The following AFG1L variants were observed in gnomAD, a reference collection of about 807,000 sequenced individuals.
AFG1L encodes the protein AFG1-like ATPase.
Under a neutral mutation model 62.2 loss-of-function variants are expected in AFG1L, and 53 were observed. The ratio of observed to expected loss-of-function variants is 0.85; its 90% CI spans 0.68 to 1.07. The LOEUF (loss-of-function observed/expected upper bound fraction) is 1.07, where lower values mean the gene tolerates loss of function less well. Among genes scored for constraint, AFG1L ranks in the 50% least tolerant of loss-of-function variants. The pLI is 0.00. For synonymous variants in AFG1L, 228 were observed against 210.3 expected, an observed-to-expected ratio of 1.08 and a Z score of -0.73; for missense variants, 555 against 590.5, an observed-to-expected ratio of 0.94 and a Z score of 0.62.
At chr6:108,338,174 A>G (rs1778542517) in intron 2 of AFG1L, among the ~76,000 whole-genome samples, 5 of 152,302 alleles carry the variant, frequency 3.3e-5, no homozygotes, top group Admixed American at 3.3e-4. Context: ...TAACAGAGCG[A>G]CACCTTGTCT....
At chr6:108,319,606 A>G (rs111768612) in intron 1 of AFG1L, 1,964 of 168,666 alleles carry the variant, frequency 0.012, 38 homozygotes, top group African/African-American at 0.045. Context: ...TCTTATTTTT[A>G]TTTTTTTTAG....
intron 3 of AFG1L, among the ~76,000 whole-genome samples, chr6:108,351,808 G>A (rs1288330909): frequency 6.6e-6 from 1 of 151,020 alleles, no homozygotes; most frequent in Non-Finnish European, 1.5e-5. Flanking sequence ...TCACATTGTT[G>A]TACAACTATT....
chr6:108,366,216 T>C lies in AFG1L; in HGVS notation c.649-17T>C. The C allele has an allele frequency of 6.7e-7, 1 of 1,485,826 alleles. No individual in the cohort carries two copies. The allele number at this position is 1,485,826 out of a possible 1,614,324, so 92.0% of individuals were successfully genotyped here. A position where few individuals can be genotyped will look rare whatever the true frequency, so the allele number is the denominator to read the frequency against. On this transcript the variant is annotated splice_polypyrimidine_tract_variant and intron_variant, in intron 5 of 12. Coordinates refer to ENST00000368977, the MANE Select transcript of AFG1L (RefSeq NM_145315.5). ...AGAAGTGAAATTAAAATAAAACAAA[T>C]GTGTTGTTGTCAATAGGTCACTGAC...
At chr6:108,505,973 G>GT (rs1774404797) in intron 10 of AFG1L, among the ~76,000 whole-genome samples, 1 of 152,156 alleles carries the variant, frequency 6.6e-6, no homozygotes, top group South Asian at 2.1e-4. Flanking sequence ...CAACACACTA[G>GT]TCATCATGCT....
chr6:108,358,081 T>C (rs1318718481), intron 5 of AFG1L, among the ~76,000 whole-genome samples: 2 of 152,226 alleles, frequency 1.3e-5, no homozygotes, highest in Admixed American at 1.3e-4. Context: ...CCTGCCGCTC[T>C]GAAGAGGCAT....
chr6:108,337,015 A>G (rs1004072727), intron 2 of AFG1L, among the ~76,000 whole-genome samples: 3 of 152,230 alleles, frequency 2.0e-5, no homozygotes, highest in Admixed American at 6.5e-5. Flanking sequence ...CAGGCTGCCC[A>G]GATAAATGTG....
chr6:108,500,640 G>A (rs576448978), intron 10 of AFG1L, among the ~76,000 whole-genome samples: 1 of 152,318 alleles, frequency 6.6e-6, no homozygotes, highest in African/African-American at 2.4e-5. Flanking sequence ...GAGTGCAGGT[G>A]TCTTTTGCAC....
At chr6:108,417,105 A>C (rs1400458605) in intron 7 of AFG1L, among the ~76,000 whole-genome samples, 2 of 151,668 alleles carry the variant, frequency 1.3e-5, no homozygotes, top group Non-Finnish European at 2.9e-5. Flanking sequence ...ATGGTGGTGC[A>C]TGCCTGTGGT....
At chr6:108,453,039 C>T (rs1446994010) in intron 8 of AFG1L, among the ~76,000 whole-genome samples, 1 of 152,212 alleles carries the variant, frequency 6.6e-6, no homozygotes, top group African/African-American at 2.4e-5. Context: ...GGGCTTGTCT[C>T]TCCCAACAGG....
intron 1 of AFG1L, among the ~76,000 whole-genome samples, chr6:108,322,435 G>A (rs1340481572): frequency 6.6e-5 from 10 of 152,066 alleles, no homozygotes. Flanking sequence ...CCTTTAATGG[G>A]GTATGTCAGA....
At chr6:108,502,514 A>G (rs1774247758) in intron 10 of AFG1L, among the ~76,000 whole-genome samples, 1 of 151,948 alleles carries the variant, frequency 6.6e-6, no homozygotes, top group Non-Finnish European at 1.5e-5. Flanking sequence ...CTGGTTTTGT[A>G]TTTTTAGTAG....
intron 11 of AFG1L, among the ~76,000 whole-genome samples, chr6:108,519,330 C>T (rs1424964689): frequency 6.6e-6 from 1 of 152,164 alleles, no homozygotes; most frequent in African/African-American, 2.4e-5. Flanking sequence ...TAAGTTTCAG[C>T]ATGAATTTTG....
At chr6:108,333,601 G>GAATAT (rs1257272275) in intron 2 of AFG1L, among the ~76,000 whole-genome samples, 1 of 151,682 alleles carries the variant, frequency 6.6e-6, no homozygotes, top group Non-Finnish European at 1.5e-5. Context: ...TAATAATAAA[G>GAATAT]AATATATAAA....
At chr6:108,465,257 T>C (rs1772618473) in intron 8 of AFG1L, among the ~76,000 whole-genome samples, 1 of 152,118 alleles carries the variant, frequency 6.6e-6, no homozygotes, top group South Asian at 2.1e-4. Context: ...AAAAAGAAAA[T>C]CATGTTAAAT....
intron 6 of AFG1L, among the ~76,000 whole-genome samples, chr6:108,388,587 T>A (rs544849421): frequency 1.3e-5 from 2 of 152,094 alleles, no homozygotes; most frequent in African/African-American, 2.4e-5. Flanking sequence ...TCTTTGTTCT[T>A]GTTGGTTTCA....
chr6:108,320,987 G>A (rs889928920), intron 1 of AFG1L, among the ~76,000 whole-genome samples: 1 of 152,208 alleles, frequency 6.6e-6, no homozygotes, highest in Non-Finnish European at 1.5e-5. Context: ...GGAGAAGAGC[G>A]TTTTTCTCTT....
chr6:108,506,117 GGACCTTCCACA>G (rs1562201343), intron 10 of AFG1L, among the ~76,000 whole-genome samples: 1 of 152,162 alleles, frequency 6.6e-6, no homozygotes, highest in Non-Finnish European at 1.5e-5. Context: ...ATTGGTTCCA[GGACCTTCCACA>G]GACACCAAAT....
Position 108,476,856 on chromosome 6 carries a change from T to C in AFG1L, c.891-9T>C, listed in dbSNP as rs751739686. ...TTAATTTCATATTCTATTATTCTTT[T>C]CACTGTAGCACAAGTGAAGCTGATG... On this transcript the variant is annotated splice_polypyrimidine_tract_variant and intron_variant, in intron 8 of 12. Transcript: ENST00000368977. 6.2e-7 allele frequency: 1 copy of C among 1,608,012 alleles called. No homozygotes were observed. Among genetic ancestry groups the C allele is most frequent in the South Asian group, 1.1e-5 (1 of 90,934 alleles).
At chr6:108,319,934 G>A (rs6909635) in intron 1 of AFG1L, 15,378 of 174,834 alleles carry the variant, frequency 0.088, 2,016 homozygotes, top group African/African-American at 0.3. Flanking sequence ...GGGAAATAGG[G>A]GTGGTGTGGG....
Sources: allele counts gnomAD v4.1 joint callset (sites outside exome capture counted in the v4.1 genomes callset), GRCh38; gene constraint gnomAD v4.1.1; transcripts MANE v1.5; gene names NCBI Gene and HGNC (gene_info 2026-07-23, HGNC 2026-07-21).